ABI3BP: variants seen among roughly 807,000 people sequenced by gnomAD.
ABI3BP encodes target of Nesh-SH3.
In ABI3BP, 216 loss-of-function variants were observed where a neutral mutation model predicts 268.6. The ratio of observed to expected loss-of-function variants is 0.80; its 90% confidence interval spans 0.72 to 0.90. The LOEUF is 0.90. Ranked by LOEUF, ABI3BP falls within the 40% of genes least tolerant of loss-of-function variation. The probability of loss-of-function intolerance (pLI) is 0.00; values close to 1 mark genes in which losing one functional copy is unlikely to be tolerated. For missense variants in ABI3BP, 2,090 were observed against 2,182.4 expected (o/e 0.96, Z 0.84); for synonymous variants, 730 against 730.0 (o/e 1.00, Z 0.00).
rs192855476 is a variant in ABI3BP at position 100,776,078 on chromosome 3, C to T, written c.4334-743G>A. Among the ~76,000 whole-genome samples the T allele has an allele frequency of 1.6e-3, 244 of 152,302 alleles. 1 individual carries two copies. Among genetic ancestry groups the T allele is most frequent in the African/African-American group, 5.6e-3 (234 of 41,562 alleles). ...CTGATTGCTATATTCAACAGTGACT[C>T]CTCCACTCTTAAAACACTTATAAGT... On this transcript the variant is annotated intron_variant, in intron 59 of 67. Transcript: ENST00000471714.
At position 100,921,339 on chromosome 3, in the gene ABI3BP, C is replaced by T. The variant is rs147967678; in HGVS notation, c.259+4963G>A. ...TGTAGGTCTTCCTCTGCAGGTGACA[C>T]TGATTAAAGTGTTTTCGGATGTCAA... On this transcript the variant is annotated intron_variant, in intron 2 of 67. Coordinates refer to ENST00000471714, the MANE Select transcript of ABI3BP (RefSeq NM_001375547.2). Among the ~76,000 whole-genome samples, 125 of 152,296 alleles carry T rather than the reference C, an allele frequency of 8.2e-4. 1 individual carries two copies. In the East Asian group the frequency reaches 0.011, roughly 14 times the overall value.
intron 57 of ABI3BP, among the ~76,000 whole-genome samples, chr3:100,781,502 C>A (rs973050371): frequency 6.6e-6 from 1 of 152,120 alleles, no homozygotes; most frequent in Non-Finnish European, 1.5e-5. Flanking sequence ...AGGCCACAGG[C>A]AAATGGTTCA....
intron 63 of ABI3BP, 90 bp from the exon 64 acceptor site, chr3:100,754,781 G>GAC: frequency 9.7e-7 from 1 of 1,029,422 alleles, no homozygotes. Context: ...CCACTATACT[G>GAC]ACATCCCTTT....
At chr3:100,938,865 T>C (rs1328047999) in intron 1 of ABI3BP, among the ~76,000 whole-genome samples, 5 of 152,092 alleles carry the variant, frequency 3.3e-5, no homozygotes, top group African/African-American at 1.2e-4. Flanking sequence ...AGTGGTATGA[T>C]GGCATGAAAG....
At chr3:100,981,601 G>A (rs1406898329) in intron 1 of ABI3BP, among the ~76,000 whole-genome samples, 7 of 152,068 alleles carry the variant, frequency 4.6e-5, no homozygotes, top group African/African-American at 9.7e-5. Flanking sequence ...AAGGATAGGC[G>A]GAGAAAAAAA....
chr3:100,752,141 C>T (rs2095367774), intron 66 of ABI3BP, among the ~76,000 whole-genome samples: 1 of 152,108 alleles, frequency 6.6e-6, no homozygotes, highest in African/African-American at 2.4e-5. Context: ...GAGGCCTTCA[C>T]CTTTTTGAAA....
chr3:100,845,976 GC>G (rs899501420), intron 20 of ABI3BP, among the ~76,000 whole-genome samples: 19 of 151,984 alleles, frequency 1.3e-4, no homozygotes, highest in African/African-American at 4.1e-4. Flanking sequence ...TGGTCTTCTA[GC>G]CTGAGAACTG....
Position 100,751,724 on chromosome 3 carries a change from T to A in ABI3BP, c.5123-50A>T, listed in dbSNP as rs151022266. 6,797 of 1,506,698 alleles carry A rather than the reference T, an allele frequency of 4.5e-3. 31 individuals carry two copies. Among genetic ancestry groups the A allele is most frequent in the Non-Finnish European group, 5.1e-3 (5,697 of 1,117,924 alleles). The allele number at this position is 1,506,698 out of a possible 1,614,324, so 93.3% of individuals were successfully genotyped here. A position where few individuals can be genotyped will look rare whatever the true frequency, so the allele number is the denominator to read the frequency against. ...TAAAGTTTACTTTCTTACTTTGAAA[T>A]GTGACAATTTTGAAATCATCATTAC... On this transcript the variant is annotated intron_variant, in intron 66 of 67. Coordinates refer to ENST00000471714, the MANE Select transcript of ABI3BP (RefSeq NM_001375547.2).
intron 29 of ABI3BP, among the ~76,000 whole-genome samples, chr3:100,834,410 CA>C (rs1212126705): frequency 6.6e-6 from 1 of 152,128 alleles, no homozygotes; most frequent in African/African-American, 2.4e-5. Flanking sequence ...GACACCTAAT[CA>C]GGTCAGTTTT....
intron 1 of ABI3BP, among the ~76,000 whole-genome samples, chr3:100,950,417 A>G (rs1206658539): frequency 1.3e-5 from 2 of 152,208 alleles, no homozygotes; most frequent in African/African-American, 2.4e-5. Flanking sequence ...AATTCTACAT[A>G]GAGGAGGGAC....
At chr3:100,826,348 AT>A (rs2098384694) in intron 34 of ABI3BP, among the ~76,000 whole-genome samples, 1 of 151,948 alleles carries the variant, frequency 6.6e-6, no homozygotes, top group East Asian at 1.9e-4. Context: ...ATGGAAATTA[AT>A]TTTTTTTGTC....
intron 62 of ABI3BP, among the ~76,000 whole-genome samples, chr3:100,768,418 T>C (rs1350326965): frequency 6.6e-6 from 1 of 151,810 alleles, no homozygotes; most frequent in Non-Finnish European, 1.5e-5. Context: ...GATTTAATAA[T>C]TTTTTTTATG....
intron 2 of ABI3BP, chr3:100,911,584 CA>C: frequency 3.0e-6 from 2 of 663,274 alleles, no homozygotes; most frequent in Non-Finnish European, 2.7e-6. Context: ...CCATCTTCTT[CA>C]AAAAATTTAG....
At chr3:100,872,018 A>C (rs1437516936) in intron 9 of ABI3BP, among the ~76,000 whole-genome samples, 1 of 151,930 alleles carries the variant, frequency 6.6e-6, no homozygotes, top group Non-Finnish European at 1.5e-5. Context: ...TTATTTTAAT[A>C]TTTTTTGTAA....
intron 1 of ABI3BP, among the ~76,000 whole-genome samples, chr3:100,957,238 A>G (rs2077147023): frequency 6.6e-6 from 1 of 152,222 alleles, no homozygotes; most frequent in Non-Finnish European, 1.5e-5. Flanking sequence ...AGCAGAGCTA[A>G]AAAATTTGTA....
chr3:100,802,477 G>GA (rs2097560335), intron 51 of ABI3BP, among the ~76,000 whole-genome samples: 1 of 152,170 alleles, frequency 6.6e-6, no homozygotes, highest in Admixed American at 6.6e-5. Flanking sequence ...TAGATGTGGA[G>GA]AAAAGCCACT....
intron 42 of ABI3BP, among the ~76,000 whole-genome samples, 179 bp downstream of exon 42, chr3:100,817,257 G>C (rs2098083743): frequency 6.6e-6 from 1 of 152,064 alleles, no homozygotes; most frequent in African/African-American, 2.4e-5. Flanking sequence ...GAAAATAATA[G>C]GTAACTTCTA....
At chr3:100,873,246 A>G (rs2099126744) in intron 9 of ABI3BP, among the ~76,000 whole-genome samples, 1 of 152,244 alleles carries the variant, frequency 6.6e-6, no homozygotes, top group African/African-American at 2.4e-5. Context: ...ATGAAGAGAT[A>G]GCAATTTCTT....
At chr3:100,796,344 A>C (rs1053250434) in intron 52 of ABI3BP, 65 bp downstream of exon 52, 124 of 1,296,854 alleles carry the variant, frequency 9.6e-5, no homozygotes, top group Non-Finnish European at 1.2e-4. Flanking sequence ...AAATATATTT[A>C]CTTCAAGAAT....
Sources: gnomAD v4.1 joint callset for allele counts (sites outside exome capture counted in the v4.1 genomes callset) on GRCh38, gnomAD v4.1.1 for gene constraint, MANE v1.5 for transcripts, NCBI Gene and HGNC (gene_info 2026-07-23, HGNC 2026-07-21) for gene names.